Variants in TENM1 observed in about 807,000 individuals in gnomAD.
TENM1 encodes the protein teneurin-1.
A neutral mutation model predicts 174.8 loss-of-function variants in TENM1; 35 were observed. That is an observed-to-expected ratio of 0.20 (90% confidence interval 0.15 to 0.27). The LOEUF (loss-of-function observed/expected upper bound fraction) is 0.27, where lower values mean the gene tolerates loss of function less well. Among genes scored for constraint, TENM1 ranks in the 10% least tolerant of loss-of-function variants. The probability of loss-of-function intolerance (pLI) is 1.00; values close to 1 mark genes in which losing one functional copy is unlikely to be tolerated. For missense variants in TENM1, 1,633 were observed against 2,130.1 expected (o/e 0.77, Z 4.59); for synonymous variants, 781 against 798.7 (o/e 0.98, Z 0.37).
At chrX:124,536,581 G>A (rs906668492) in intron 15 of TENM1, among the ~76,000 whole-genome samples, 1 of 111,474 alleles carries the variant, frequency 9.0e-6, no homozygotes, top group African/African-American at 3.3e-5. Flanking sequence ...CTTGGTAATT[G>A]CTTGTCAAAA....
At chrX:124,525,847 T>G (rs2047962763) in intron 16 of TENM1, among the ~76,000 whole-genome samples, 2 of 112,166 alleles carry the variant, frequency 1.8e-5, no homozygotes, top group South Asian at 7.4e-4. Context: ...ATGAATGAGA[T>G]AAAGACTTAA....
chrX:124,497,072 G>A (rs1268452856), exon 20 of TENM1: 1 of 1,207,525 alleles, frequency 8.3e-7, no homozygotes, highest in Non-Finnish European at 1.1e-6. Flanking sequence ...TTACAAAATT[G>A]AAGTCGCCAA....
At position 124,884,179 on chromosome X, in the gene TENM1, G is replaced by A. The variant is rs1366661816; in HGVS notation, c.535+10117C>T. On this transcript the variant is annotated intron_variant, in intron 3 of 31. Transcript: ENST00000422452. ...TGCAAATGCAAGAGGCTCCACTGCT[G>A]GGGGCAGTGGGGTTGCTTCCAATGG... Among the ~76,000 whole-genome samples, 3 of 111,217 alleles carry A rather than the reference G, an allele frequency of 2.7e-5. No homozygotes were observed. In the East Asian group the frequency reaches 8.6e-4, roughly 32 times the overall value.
chrX:124,752,808 T>C (rs755853285), intron 3 of TENM1, among the ~76,000 whole-genome samples: 1 of 110,260 alleles, frequency 9.1e-6, no homozygotes, highest in East Asian at 2.8e-4. Flanking sequence ...GTTGTAGATA[T>C]GCAGCATTAT....
intron 3 of TENM1, among the ~76,000 whole-genome samples, chrX:124,756,377 A>C (rs1434034051): frequency 6.8e-4 from 64 of 94,719 alleles, no homozygotes; most frequent in African/African-American, 1.5e-3. Context: ...TGGTTATTCT[A>C]GTTATACATT....
At chrX:124,600,568 T>C (rs1387122644) in intron 11 of TENM1, among the ~76,000 whole-genome samples, 1 of 111,373 alleles carries the variant, frequency 9.0e-6, no homozygotes, top group African/African-American at 3.3e-5. Flanking sequence ...ATTAATTAAA[T>C]GATCAAAGTT....
In TENM1 at chrX:124,550,978, T is replaced by C. The variant is rs968148985; in HGVS notation, c.2435-3888A>G. On this transcript the variant is annotated intron_variant, in intron 14 of 31. Coordinates refer to ENST00000422452, the Ensembl canonical transcript of TENM1. ...CTTCACCATGTTGGCCAGGCTGGTCTCAAACTCCTGGCCTCAGGTGATCAA... is the reference window on the plus strand; with the variant it reads ...CTTCACCATGTTGGCCAGGCTGGTCCCAAACTCCTGGCCTCAGGTGATCAA... 2.7e-5 allele frequency among the ~76,000 whole-genome samples: 3 copies of C among 112,147 alleles called. No homozygotes were observed. The East Asian group carries it at 8.5e-4, about 32-fold the overall frequency.
intron 5 of TENM1, among the ~76,000 whole-genome samples, chrX:124,675,608 T>G (rs1350556219): frequency 1.8e-5 from 2 of 108,968 alleles, no homozygotes; most frequent in South Asian, 4.0e-4. Context: ...GCACTGTTTT[T>G]TTTTTTTTTT....
intron 14 of TENM1, among the ~76,000 whole-genome samples, chrX:124,553,406 AG>A (rs749508815): frequency 5.1e-4 from 56 of 108,819 alleles, no homozygotes; most frequent in Non-Finnish European, 8.8e-4. Flanking sequence ...AGACTGAGGC[AG>A]GAGAATCACT....
chrX:125,045,266 G>C, the TENM1 span, among the ~76,000 whole-genome samples: 2 of 111,552 alleles, frequency 1.8e-5, no homozygotes, highest in African/African-American at 6.5e-5. Flanking sequence ...GATGAGACTT[G>C]GGTGGGGACA....
chrX:125,030,603 C>T, the TENM1 span, among the ~76,000 whole-genome samples: 1 of 111,838 alleles, frequency 8.9e-6, no homozygotes, highest in Non-Finnish European at 1.9e-5. Context: ...CTTATCTTTA[C>T]CTAAATAGTC....
At chrX:124,519,219 G>C (rs2047785761) in intron 18 of TENM1, among the ~76,000 whole-genome samples, 1 of 111,739 alleles carries the variant, frequency 8.9e-6, no homozygotes, top group East Asian at 2.8e-4. Context: ...TCCTGCTTGT[G>C]AGGCTACCGA....
At chrX:124,414,963 C>T (rs1489869139) in intron 25 of TENM1, among the ~76,000 whole-genome samples, 1 of 111,767 alleles carries the variant, frequency 8.9e-6, no homozygotes, top group Non-Finnish European at 1.9e-5. Flanking sequence ...AAGAAGCCTC[C>T]CTTTTACCTC....
At chrX:124,401,212 G>A (rs1174199895) in intron 27 of TENM1, among the ~76,000 whole-genome samples, 1 of 111,595 alleles carries the variant, frequency 9.0e-6, no homozygotes, top group Non-Finnish European at 1.9e-5. Flanking sequence ...GTCTGGGGGA[G>A]GTGTGATCGG....
At chrX:124,937,386 T>C (rs777561829) in intron 1 of TENM1, among the ~76,000 whole-genome samples, 4 of 111,734 alleles carry the variant, frequency 3.6e-5, no homozygotes. Context: ...CCATAAATTG[T>C]ATGTTTCCTG....
intron 3 of TENM1, among the ~76,000 whole-genome samples, chrX:124,859,543 CAAAA>C (rs780835887): frequency 2.2e-5 from 1 of 44,579 alleles, no homozygotes. Flanking sequence ...GACCCTGTCT[CAAAA>C]AAAAAAAAAA....
At chrX:124,684,598 A>T (rs1382188569) in intron 5 of TENM1, among the ~76,000 whole-genome samples, 1 of 111,713 alleles carries the variant, frequency 9.0e-6, no homozygotes, top group Non-Finnish European at 1.9e-5. Flanking sequence ...CATAGACCCA[A>T]GCTCCAGGCC....
At chrX:124,989,834 G>T in the TENM1 span, among the ~76,000 whole-genome samples, 23,981 of 109,907 alleles carry the variant, frequency 0.22, 2,490 homozygotes, top group African/African-American at 0.4. Flanking sequence ...CACAGTTTCT[G>T]GTGTATACTT....
At position 124,406,298 on chromosome X, in the gene TENM1, T is replaced by C. The variant is rs1332845922; in HGVS notation, c.5155+19A>G. The C allele has an allele frequency of 1.7e-6, 2 of 1,184,174 alleles. No individual in the cohort carries two copies. The highest frequency in any genetic ancestry group is 6.0e-5 in the East Asian group (2 of 33,605). On this transcript the variant is annotated intron_variant, in intron 26 of 31. Coordinates refer to ENST00000422452, the Ensembl canonical transcript of TENM1. ...ACATAGGGGCTGTTACAGTCAGATATCGTTGGAAACAATCTTACCTTGTTT... is the reference window on the plus strand; with the variant it reads ...ACATAGGGGCTGTTACAGTCAGATACCGTTGGAAACAATCTTACCTTGTTT...
Sources: gnomAD v4.1 joint callset for allele counts (sites outside exome capture counted in the v4.1 genomes callset) on GRCh38, gnomAD v4.1.1 for gene constraint, MANE v1.5 for transcripts, NCBI Gene and HGNC (gene_info 2026-07-23, HGNC 2026-07-21) for gene names.